Variants in TSPAN13 observed in about 807,000 individuals in gnomAD.
TSPAN13 encodes the protein tetraspanin-13.
In TSPAN13, 18 loss-of-function variants were observed where a neutral mutation model predicts 26.9. That is an observed-to-expected ratio of 0.67 (90% CI 0.46 to 0.99). The LOEUF is 0.99. Among genes scored for constraint, TSPAN13 ranks in the 50% least tolerant of loss-of-function variants. The pLI is 0.00. For missense variants in TSPAN13, 201 were observed against 249.6 expected (o/e 0.81, Z 1.31); for synonymous variants, 116 against 98.4 (o/e 1.18, Z -1.06).
Position 16,784,395 on chromosome 7 carries a change from TTGAATA to T in TSPAN13, c.*908_*913del, listed in dbSNP as rs1771580648. 1 of 152,208 alleles carries T rather than the reference TTGAATA, an allele frequency of 6.6e-6. No individual in the cohort carries two copies. Among genetic ancestry groups the T allele is most frequent in the Admixed American group, 6.5e-5 (1 of 15,276 alleles). 9.4% of individuals were successfully genotyped at this position (152,208 alleles called of 1,614,324 possible). A position where few individuals can be genotyped will look rare whatever the true frequency, so the allele number is the denominator to read the frequency against. ...AGCAACTTGTCAAACCTAAGCATAT[TTGAATA>T]TGATCTCCCATAATTTGAAATTGAA... On this transcript the variant is annotated 3_prime_UTR_variant, in exon 6 of 6. Transcript: ENST00000262067.
intron 1 of TSPAN13, among the ~76,000 whole-genome samples, chr7:16,754,702 C>T (rs371756824): frequency 6.6e-6 from 1 of 152,092 alleles, no homozygotes; most frequent in East Asian, 1.9e-4. Flanking sequence ...CCAAGTCCTC[C>T]AGGAAATAAG....
chr7:16,763,580 A>G lies in TSPAN13; in HGVS notation c.63+9550A>G, dbSNP rs142338292. Among the ~76,000 whole-genome samples, 911 of 152,288 alleles carry G rather than the reference A, an allele frequency of 6.0e-3. 22 individuals are homozygous for G. Among genetic ancestry groups the G allele is most frequent in the East Asian group, 8.1e-3 (42 of 5,184 alleles). ...TCCATGATGGCTACTGGCAGAATCA[A>G]TGTTGTCCTTATACCTTGCTAGGTC... On this transcript the variant is annotated intron_variant, in intron 1 of 5. Coordinates refer to ENST00000262067, the MANE Select transcript of TSPAN13 (RefSeq NM_014399.4).
chr7:16,754,630 C>T (rs1391415606), intron 1 of TSPAN13, among the ~76,000 whole-genome samples: 2 of 152,172 alleles, frequency 1.3e-5, no homozygotes, highest in African/African-American at 2.4e-5. Context: ...GTCAGTTTTG[C>T]TAGTACTTGG....
chr7:16,784,130 C>T lies in TSPAN13; in HGVS notation c.*639C>T, dbSNP rs1784845495. 6.6e-6 allele frequency: 1 copy of T among 152,564 alleles called. No individual in the cohort carries two copies. Among genetic ancestry groups the T allele is most frequent in the African/African-American group, 2.4e-5 (1 of 41,434 alleles). The allele number at this position is 152,564 out of a possible 1,614,324, so 9.5% of individuals were successfully genotyped here. On this transcript the variant is annotated 3_prime_UTR_variant, in exon 6 of 6. Coordinates refer to ENST00000262067, the MANE Select transcript of TSPAN13 (RefSeq NM_014399.4). The stretch of plus-strand genomic sequence containing the variant: ...GGTAAGTGCAAAGGAGAAGTGGTTT[C>T]ATGAAATGTTCTAATGTATAATAAC...
intron 1 of TSPAN13, among the ~76,000 whole-genome samples, chr7:16,772,873 G>A (rs987165679): frequency 1.3e-5 from 2 of 152,100 alleles, no homozygotes; most frequent in African/African-American, 4.8e-5. Context: ...GCATATGCCT[G>A]TAATCCCAGC....
At chr7:16,755,440 G>C (rs1001127963) in intron 1 of TSPAN13, among the ~76,000 whole-genome samples, 2 of 151,990 alleles carry the variant, frequency 1.3e-5, no homozygotes, top group African/African-American at 4.8e-5. Flanking sequence ...CAGTTCCTTG[G>C]AGATACATGT....
chr7:16,753,923 C>G lies in TSPAN13; in HGVS notation c.-45C>G. ...AAAGCAGCTGTCAGGGAACCTCCGC[C>G]GGAGTCGAATTTACGTGCAGCTGCC... is the stretch of plus-strand genomic sequence containing the variant. On this transcript the variant is annotated 5_prime_UTR_variant, in exon 1 of 6. Transcript: ENST00000262067. 4.4e-6 allele frequency: 7 copies of G among 1,594,336 alleles called. No individual in the cohort carries two copies. The highest frequency in any genetic ancestry group is 6.0e-6 in the Non-Finnish European group (7 of 1,168,544).
chr7:16,756,556 A>T (rs1323581321), intron 1 of TSPAN13, among the ~76,000 whole-genome samples: 6 of 152,240 alleles, frequency 3.9e-5, no homozygotes, highest in African/African-American at 1.2e-4. Context: ...CTCAGAAAGC[A>T]TGTCACTAAA....
chr7:16,774,210 G>C (rs1784714059), intron 1 of TSPAN13, among the ~76,000 whole-genome samples: 1 of 152,174 alleles, frequency 6.6e-6, no homozygotes, highest in Admixed American at 6.5e-5. Flanking sequence ...ACAATCATGT[G>C]AGCCAATTCT....
intron 4 of TSPAN13, among the ~76,000 whole-genome samples, chr7:16,778,421 A>G (rs1191808060): frequency 6.6e-6 from 1 of 152,200 alleles, no homozygotes; most frequent in Non-Finnish European, 1.5e-5. Context: ...TTATTATCTC[A>G]CAGTTTCCCT....
At chr7:16,759,587 C>G (rs370530633) in intron 1 of TSPAN13, among the ~76,000 whole-genome samples, 1 of 152,008 alleles carries the variant, frequency 6.6e-6, no homozygotes. Context: ...TATCAAAAGG[C>G]CTAAAGGAGA....
chr7:16,753,840 GC>G lies in TSPAN13; in HGVS notation c.-122del, dbSNP rs1386495777. 16 of 1,007,980 alleles carry G rather than the reference GC, an allele frequency of 1.6e-5. No homozygotes were observed. Among genetic ancestry groups the G allele is most frequent in the Non-Finnish European group, 2.3e-5 (15 of 662,210 alleles). 62.4% of individuals were successfully genotyped at this position (1,007,980 alleles called of 1,614,324 possible). ...CCGCGCACTGCAGCCCCAGGCCCCG[GC>G]CCCCCACCCACGTCTGCGTTGCTGC... On this transcript the variant is annotated 5_prime_UTR_variant, in exon 1 of 6. Transcript: ENST00000262067.
intron 1 of TSPAN13, among the ~76,000 whole-genome samples, chr7:16,755,319 G>A (rs1226714518): frequency 6.6e-6 from 1 of 152,140 alleles, no homozygotes; most frequent in African/African-American, 2.4e-5. Context: ...AGCTTTGAAG[G>A]CAAGACAGAA....
intron 1 of TSPAN13, among the ~76,000 whole-genome samples, chr7:16,764,285 C>G (rs1003199443): frequency 6.6e-6 from 1 of 151,982 alleles, no homozygotes; most frequent in African/African-American, 2.4e-5. Context: ...CCTTGGCCTC[C>G]CAAAGTGCTG....
At chr7:16,779,176 A>G in intron 5 of TSPAN13, 60 bp downstream of exon 5, 1 of 1,253,618 alleles carries the variant, frequency 8.0e-7, no homozygotes, top group Non-Finnish European at 1.1e-6. Context: ...TTTGCATGAC[A>G]AAGGGCCTTG....
chr7:16,779,171 A>G (rs950604775), intron 5 of TSPAN13, 55 bp downstream of exon 5: 17 of 1,355,692 alleles, frequency 1.3e-5, no homozygotes, highest in Non-Finnish European at 5.2e-6. Context: ...CCTGTTTTGC[A>G]TGACAAAGGG....
intron 1 of TSPAN13, among the ~76,000 whole-genome samples, chr7:16,755,864 T>C (rs1411932827): frequency 2.0e-5 from 3 of 152,212 alleles, no homozygotes; most frequent in Non-Finnish European, 4.4e-5. Flanking sequence ...TAAAGGGACA[T>C]ATTAAGACTA....
rs550310371 is a variant in TSPAN13 at position 16,753,869 on chromosome 7, C to T, written c.-99C>T. 1.2e-5 allele frequency: 16 copies of T among 1,324,028 alleles called. No homozygotes were observed. The South Asian group carries it at 1.9e-4, about 16-fold the overall frequency. The allele number at this position is 1,324,028 out of a possible 1,614,324, so 82.0% of individuals were successfully genotyped here. On this transcript the variant is annotated 5_prime_UTR_variant, in exon 1 of 6. Coordinates refer to ENST00000262067, the MANE Select transcript of TSPAN13 (RefSeq NM_014399.4). ...CCCACCCACGTCTGCGTTGCTGCCC[C>T]GCCTGGGCCAGGCCCCAAAGGCAAG...
intron 5 of TSPAN13, among the ~76,000 whole-genome samples, chr7:16,779,380 T>C (rs1463565233): frequency 1.3e-5 from 2 of 152,192 alleles, no homozygotes; most frequent in Non-Finnish European, 2.9e-5. Context: ...CTCTAGGGTC[T>C]CTTCTATTTC....
Sources: gnomAD v4.1 joint callset for allele counts (sites outside exome capture counted in the v4.1 genomes callset) on GRCh38, gnomAD v4.1.1 for gene constraint, MANE v1.5 for transcripts, NCBI Gene and HGNC (gene_info 2026-07-23, HGNC 2026-07-21) for gene names.